Variants in PDE4D observed in about 807,000 individuals in gnomAD.
PDE4D encodes phosphodiesterase 4D.
PDE4D carries 24 observed loss-of-function variants against 87.4 expected under a neutral mutation model. The observed-to-expected ratio is 0.27, with a 90% CI of 0.20 to 0.39. PDE4D has a LOEUF of 0.39. PDE4D is among the 10% of genes least tolerant of loss of function. PDE4D has a pLI of 1.00. For missense variants in PDE4D, 714 were observed against 1,041.0 expected, an observed-to-expected ratio of 0.69 and a Z score of 4.32; for synonymous variants, 384 against 383.2, an observed-to-expected ratio of 1.00 and a Z score of -0.02.
chr5:60,247,366 A>G (rs1318862389), intron 1 of PDE4D, among the ~76,000 whole-genome samples: 1 of 152,030 alleles, frequency 6.6e-6, no homozygotes, highest in African/African-American at 2.4e-5. Flanking sequence ...TGATAGTAAG[A>G]TTATTAGCCA....
chr5:60,320,081 T>G (rs1756080946), intron 1 of PDE4D, among the ~76,000 whole-genome samples: 1 of 152,140 alleles, frequency 6.6e-6, no homozygotes, highest in African/African-American at 2.4e-5. Flanking sequence ...CCCCCAGAGG[T>G]GTAGTCTACA....
At chr5:59,444,668 C>T (rs1200344369) in intron 1 of PDE4D, among the ~76,000 whole-genome samples, 1 of 152,018 alleles carries the variant, frequency 6.6e-6, no homozygotes, top group African/African-American at 2.4e-5. Flanking sequence ...AAAAATTAGC[C>T]GGGCGTGATG....
intron 5 of PDE4D, among the ~76,000 whole-genome samples, chr5:59,067,031 T>TATTTAGAG (rs1314875932): frequency 1.4e-4 from 20 of 138,820 alleles, no homozygotes; most frequent in African/African-American, 4.5e-4. Flanking sequence ...TTTATTTATT[T>TATTTAGAG]AGAGAGAGAG....
intron 1 of PDE4D, among the ~76,000 whole-genome samples, chr5:59,489,062 G>A (rs531844081): frequency 1.3e-5 from 2 of 151,974 alleles, no homozygotes; most frequent in South Asian, 4.2e-4. Flanking sequence ...TGAGGAGGGC[G>A]GATCACGCGG....
intron 1 of PDE4D, among the ~76,000 whole-genome samples, chr5:60,230,664 T>C (rs1054903934): frequency 1.1e-4 from 16 of 152,124 alleles, no homozygotes; most frequent in Non-Finnish European, 1.0e-4. Flanking sequence ...TTTGACACAA[T>C]GATGTTTGGC....
intron 1 of PDE4D, among the ~76,000 whole-genome samples, chr5:59,696,483 A>G (rs1751800947): frequency 6.6e-6 from 1 of 152,190 alleles, no homozygotes; most frequent in African/African-American, 2.4e-5. Context: ...GACAAGTGCT[A>G]TGAAATTCAT....
intron 1 of PDE4D, among the ~76,000 whole-genome samples, chr5:59,450,130 G>C (rs576902585): frequency 6.6e-6 from 1 of 152,252 alleles, no homozygotes; most frequent in South Asian, 2.1e-4. Flanking sequence ...GCTCTATTCT[G>C]ACTATGTAAA....
At chr5:60,002,382 A>G (rs1374246996) in intron 2 of PDE4D, among the ~76,000 whole-genome samples, 1 of 152,148 alleles carries the variant, frequency 6.6e-6, no homozygotes, top group Non-Finnish European at 1.5e-5. Flanking sequence ...TCTTCCAAAA[A>G]AAGTGAAGAG....
intron 2 of PDE4D, among the ~76,000 whole-genome samples, chr5:59,200,190 CATACACGTGTATGTATAG>C (rs1163444972): frequency 2.3e-5 from 2 of 85,282 alleles, no homozygotes; most frequent in African/African-American, 3.6e-5. Context: ...TATATGTATA[CATACACGTGTATGTATAG>C]ATACACGTGT....
At chr5:60,091,412 T>C (rs1451308867) in intron 2 of PDE4D, among the ~76,000 whole-genome samples, 1 of 151,984 alleles carries the variant, frequency 6.6e-6, no homozygotes, top group Non-Finnish European at 1.5e-5. Context: ...ATCAGGGAAA[T>C]GCAAATGAAA....
chr5:60,038,782 GAACAGACACTTC>G, intron 2 of PDE4D, among the ~76,000 whole-genome samples: 1 of 151,714 alleles, frequency 6.6e-6, no homozygotes, highest in Non-Finnish European at 1.5e-5. Flanking sequence ...TGAAGGACAT[GAACAGACACTTC>G]TCAAAAGAAG....
Position 59,209,384 on chromosome 5 carries a change from C to T in PDE4D, c.647+6393G>A, listed in dbSNP as rs6875864. Among the ~76,000 whole-genome samples the T allele has an allele frequency of 1.0e-3, 155 of 152,226 alleles. No homozygotes were observed. The Middle Eastern group carries it at 0.01, about 10-fold the overall frequency. ...TATTTTTTGTAGAGACAGGGTTTCA[C>T]CATGTTGCCCAAGTTGGTCTCAAAC... On this transcript the variant is annotated intron_variant, in intron 2 of 14. Transcript: ENST00000340635.
At chr5:60,114,659 C>A (rs901040848) in intron 2 of PDE4D, among the ~76,000 whole-genome samples, 1 of 152,064 alleles carries the variant, frequency 6.6e-6, no homozygotes, top group African/African-American at 2.4e-5. Context: ...CCCCAAAATG[C>A]TTTGCTTTAC....
At chr5:60,517,918 G>A (rs1432006432) in intron 1 of PDE4D, among the ~76,000 whole-genome samples, 4 of 152,224 alleles carry the variant, frequency 2.6e-5, no homozygotes, top group African/African-American at 9.6e-5. Flanking sequence ...AGGGAGAGAA[G>A]AGAGAAGAAG....
intron 1 of PDE4D, among the ~76,000 whole-genome samples, chr5:59,252,441 A>G (rs1456569760): frequency 6.6e-6 from 1 of 152,080 alleles, no homozygotes; most frequent in Non-Finnish European, 1.5e-5. Context: ...CCAGGTGTGT[A>G]ATTGTTTTCC....
At chr5:59,531,143 G>C (rs1258177894) in intron 1 of PDE4D, among the ~76,000 whole-genome samples, 1 of 152,288 alleles carries the variant, frequency 6.6e-6, no homozygotes, top group African/African-American at 2.4e-5. Context: ...TGGTTCCCAG[G>C]TGAAGCTTGT....
chr5:59,529,922 G>A (rs1360313712), intron 1 of PDE4D, among the ~76,000 whole-genome samples: 1 of 152,166 alleles, frequency 6.6e-6, no homozygotes, highest in Non-Finnish European at 1.5e-5. Context: ...AATACTTGGT[G>A]TGTTTCCTAA....
At chr5:59,586,692 G>T (rs1825195435) in intron 1 of PDE4D, 2 of 985,336 alleles carry the variant, frequency 2.0e-6, no homozygotes, top group Non-Finnish European at 2.4e-6. Context: ...GGCAAATATT[G>T]TCCTGGTAAA....
intron 3 of PDE4D, among the ~76,000 whole-genome samples, chr5:59,930,019 A>G (rs1034849346): frequency 6.6e-6 from 1 of 152,100 alleles, no homozygotes; most frequent in Non-Finnish European, 1.5e-5. Context: ...TTAGTGGATT[A>G]AAAATCGGCC....
Sources: gnomAD v4.1 joint callset for allele counts (sites outside exome capture counted in the v4.1 genomes callset) on GRCh38, gnomAD v4.1.1 for gene constraint, MANE v1.5 for transcripts, NCBI Gene and HGNC (gene_info 2026-07-23, HGNC 2026-07-21) for gene names.